AMPH: variants seen among roughly 807,000 people sequenced by gnomAD.
The protein encoded by AMPH is amphiphysin (Stiff-Mann syndrome with breast cancer 128kD autoantigen).
In AMPH, 49 loss-of-function variants were observed where a neutral mutation model predicts 99.1. The ratio of observed to expected loss-of-function variants is 0.49; its 90% confidence interval spans 0.39 to 0.63. The LOEUF (loss-of-function observed/expected upper bound fraction) is 0.63, where lower values mean the gene tolerates loss of function less well. Ranked by LOEUF, AMPH falls within the 20% of genes least tolerant of loss-of-function variation. The probability of loss-of-function intolerance (pLI) is 0.00; values close to 1 mark genes in which losing one functional copy is unlikely to be tolerated. For synonymous variants in AMPH, 314 were observed against 317.3 expected (o/e 0.99, Z 0.11); for missense variants, 759 against 863.4 (o/e 0.88, Z 1.52).
intron 11 of AMPH, among the ~76,000 whole-genome samples, chr7:38,455,657 A>G (rs976263300): frequency 6.6e-6 from 1 of 152,172 alleles, no homozygotes; most frequent in Non-Finnish European, 1.5e-5. Flanking sequence ...ATCTTTTTAC[A>G]ACCCTAGCTA....
At chr7:38,430,338 A>G (rs1785960524) in intron 13 of AMPH, among the ~76,000 whole-genome samples, 1 of 152,186 alleles carries the variant, frequency 6.6e-6, no homozygotes, top group Non-Finnish European at 1.5e-5. Flanking sequence ...TCTGATATTA[A>G]CCAGTCTGAC....
At chr7:38,576,358 C>G (rs1053262933) in intron 1 of AMPH, among the ~76,000 whole-genome samples, 7 of 152,188 alleles carry the variant, frequency 4.6e-5, no homozygotes, top group African/African-American at 1.7e-4. Context: ...AGTAATAATC[C>G]CTTCTCCACA....
intron 1 of AMPH, among the ~76,000 whole-genome samples, chr7:38,603,010 A>G (rs1382052712): frequency 1.3e-5 from 2 of 152,200 alleles, no homozygotes; most frequent in Non-Finnish European, 2.9e-5. Flanking sequence ...AACTGACAAC[A>G]CCTGAATCAG....
At chr7:38,435,975 T>C (rs1372902766) in intron 12 of AMPH, among the ~76,000 whole-genome samples, 1 of 152,196 alleles carries the variant, frequency 6.6e-6, no homozygotes, top group South Asian at 2.1e-4. Flanking sequence ...AAATGTATCC[T>C]GTAAACCTGA....
chr7:38,541,717 C>T (rs1380907834), intron 1 of AMPH, among the ~76,000 whole-genome samples: 2 of 152,128 alleles, frequency 1.3e-5, no homozygotes, highest in African/African-American at 4.8e-5. Flanking sequence ...GGCCTTCAGA[C>T]TTTAAAAGGT....
At chr7:38,485,773 A>G (rs1305633007) in intron 5 of AMPH, among the ~76,000 whole-genome samples, 1 of 151,976 alleles carries the variant, frequency 6.6e-6, no homozygotes, top group Non-Finnish European at 1.5e-5. Context: ...TATACCAGGT[A>G]TCTTTTCCAA....
chr7:38,398,085 G>A (rs1161544750), intron 17 of AMPH, among the ~76,000 whole-genome samples: 1 of 145,612 alleles, frequency 6.9e-6, no homozygotes, highest in African/African-American at 2.5e-5. Flanking sequence ...AACTATTATG[G>A]TGAACAGTTT....
intron 1 of AMPH, among the ~76,000 whole-genome samples, chr7:38,584,362 A>G (rs1792572280): frequency 6.6e-6 from 1 of 152,192 alleles, no homozygotes; most frequent in African/African-American, 2.4e-5. Context: ...TTAGTAGGAT[A>G]TGGTTTCGTT....
chr7:38,601,033 G>C (rs1793227412), intron 1 of AMPH, among the ~76,000 whole-genome samples: 1 of 152,210 alleles, frequency 6.6e-6, no homozygotes, highest in Non-Finnish European at 1.5e-5. Context: ...TTAGCACAGA[G>C]ACGCCGAACT....
intron 14 of AMPH, chr7:38,428,662 A>G (rs1416018401): frequency 8.8e-6 from 4 of 456,564 alleles, no homozygotes; most frequent in Non-Finnish European, 1.3e-5. Context: ...TTAGATACAG[A>G]GTAGGTCTGG....
intron 1 of AMPH, among the ~76,000 whole-genome samples, chr7:38,573,454 A>C (rs2129053139): frequency 6.6e-6 from 1 of 152,384 alleles, no homozygotes; most frequent in African/African-American, 2.4e-5. Context: ...ACCAAAATAT[A>C]ACATGAATCC....
intron 5 of AMPH, among the ~76,000 whole-genome samples, chr7:38,486,673 C>A (rs1319370311): frequency 6.6e-6 from 1 of 152,044 alleles, no homozygotes; most frequent in Non-Finnish European, 1.5e-5. Context: ...ATGCAAAAAA[C>A]CGCTACAAAA....
intron 3 of AMPH, among the ~76,000 whole-genome samples, chr7:38,494,747 A>T (rs1227296847): frequency 6.6e-6 from 1 of 152,194 alleles, no homozygotes; most frequent in Non-Finnish European, 1.5e-5. Flanking sequence ...CTTGATAATG[A>T]TAGATATGGG....
At chr7:38,629,112 G>C (rs529951746) in intron 1 of AMPH, among the ~76,000 whole-genome samples, 1 of 152,068 alleles carries the variant, frequency 6.6e-6, no homozygotes, top group African/African-American at 2.4e-5. Flanking sequence ...GGTGTAGAAA[G>C]AGGGAATCAC....
intron 1 of AMPH, among the ~76,000 whole-genome samples, chr7:38,621,960 T>C (rs946815242): frequency 1.3e-5 from 2 of 152,226 alleles, no homozygotes; most frequent in African/African-American, 4.8e-5. Flanking sequence ...CATTTCCATG[T>C]GGAAAGGTGG....
At chr7:38,409,905 C>T (rs553528714) in intron 17 of AMPH, among the ~76,000 whole-genome samples, 26 of 152,212 alleles carry the variant, frequency 1.7e-4, no homozygotes, top group African/African-American at 5.8e-4. Context: ...GTGATTTATC[C>T]GCAACGCATA....
chr7:38,422,554 GTATCTATC>G (rs57006229), intron 15 of AMPH, 77 bp from the exon 16 acceptor site: 14,290 of 784,292 alleles, frequency 0.018, 185 homozygotes, highest in African/African-American at 0.028. Context: ...GTCTGCCTAC[GTATCTATC>G]TATCTATCTA....
At chr7:38,530,001 G>T (rs2129038310) in intron 2 of AMPH, among the ~76,000 whole-genome samples, 1 of 152,068 alleles carries the variant, frequency 6.6e-6, no homozygotes, top group Non-Finnish European at 1.5e-5. Flanking sequence ...ACATATACCA[G>T]GTTCTTAAAA....
intron 11 of AMPH, among the ~76,000 whole-genome samples, chr7:38,448,811 G>T (rs2129002252): frequency 6.6e-6 from 1 of 152,304 alleles, no homozygotes; most frequent in Middle Eastern, 3.4e-3. Flanking sequence ...ACATAATCCT[G>T]AAATGCTCTA....
Sources: allele counts gnomAD v4.1 joint callset (sites outside exome capture counted in the v4.1 genomes callset), GRCh38; gene constraint gnomAD v4.1.1; transcripts MANE v1.5; gene names NCBI Gene and HGNC (gene_info 2026-07-23, HGNC 2026-07-21).